Variants in FAM240B observed in about 807,000 individuals in gnomAD.
FAM240B encodes protein FAM240B.
At chr9:38,715,787 A>ATT (rs1821297797) in intron 1 of FAM240B, among the ~76,000 whole-genome samples, 1 of 152,170 alleles carries the variant, frequency 6.6e-6, no homozygotes, top group Non-Finnish European at 1.5e-5. Flanking sequence ...TTAATAGAGA[A>ATT]AACTTCTGAG....
chr9:38,695,248 G>T (rs919188464), intron 2 of FAM240B, among the ~76,000 whole-genome samples: 7 of 152,256 alleles, frequency 4.6e-5, no homozygotes, highest in Admixed American at 1.3e-4. Flanking sequence ...GCTAGGCATG[G>T]CGGCTCACGC....
chr9:38,699,136 C>T (rs573883218), intron 2 of FAM240B, among the ~76,000 whole-genome samples: 17 of 152,254 alleles, frequency 1.1e-4, no homozygotes, highest in Non-Finnish European at 8.8e-5. Context: ...GTAATGTTTA[C>T]TATTTCTTGT....
intron 2 of FAM240B, among the ~76,000 whole-genome samples, chr9:38,698,503 G>C (rs1054323134): frequency 6.6e-6 from 1 of 152,184 alleles, no homozygotes; most frequent in African/African-American, 2.4e-5. Flanking sequence ...GTGCTACACA[G>C]CTTTCATATC....
At chr9:38,705,213 T>C (rs1050452027) in intron 1 of FAM240B, 1 of 152,204 alleles carries the variant, frequency 6.6e-6, no homozygotes, top group Non-Finnish European at 1.5e-5. Flanking sequence ...ACTTCACAGC[T>C]ACAAAGTCCC....
At chr9:38,694,997 G>C in intron 2 of FAM240B, 128 bp from the exon 3 acceptor site, 1 of 394,388 alleles carries the variant, frequency 2.5e-6, no homozygotes, top group Non-Finnish European at 4.5e-6. Context: ...TCCCCTCCCT[G>C]TGTCCATGTG....
At chr9:38,704,365 A>T (rs936248700) in intron 1 of FAM240B, among the ~76,000 whole-genome samples, 1 of 152,240 alleles carries the variant, frequency 6.6e-6, no homozygotes, top group African/African-American at 2.4e-5. Context: ...GTTCATGAAC[A>T]GAGAAATCCA....
chr9:38,696,052 T>C (rs1375549972), intron 2 of FAM240B, among the ~76,000 whole-genome samples: 1 of 152,168 alleles, frequency 6.6e-6, no homozygotes, highest in Non-Finnish European at 1.5e-5. Context: ...AATTCATATA[T>C]CTAATTCCTA....
intron 2 of FAM240B, among the ~76,000 whole-genome samples, chr9:38,700,383 A>C (rs527317183): frequency 1.3e-5 from 2 of 152,290 alleles, no homozygotes; most frequent in East Asian, 3.9e-4. Flanking sequence ...TTTAATGTCT[A>C]CCTGACACTG....
At position 38,707,614 on chromosome 9, in the gene FAM240B, AAAAAAAAAAAAC is replaced by A. The variant is rs1179566081; in HGVS notation, c.-3-3624_-3-3613del. Among the ~76,000 whole-genome samples the A allele has an allele frequency of 1.8e-4, 19 of 108,058 alleles. 1 individual carries two copies. The highest frequency in any genetic ancestry group is 6.0e-4 in the African/African-American group (13 of 21,706). The allele number at this position is 108,058 out of a possible 152,430, so 70.9% of individuals were successfully genotyped here. On this transcript the variant is annotated intron_variant, in intron 1 of 2. Coordinates refer to ENST00000637493, the MANE Select transcript of FAM240B (RefSeq NM_001394922.1). Reference sequence around the variant, plus strand: ...AAACCCCGTCTCTACTAAAAAAAACAAAAAAAAAAAACAAAAAAAAAACCAAAAAATTAGCTG... The same window carrying A: ...AAACCCCGTCTCTACTAAAAAAAACAAAAAAAAAAACCAAAAAATTAGCTG...
intron 1 of FAM240B, among the ~76,000 whole-genome samples, chr9:38,711,107 C>T (rs1821250732): frequency 6.6e-6 from 1 of 152,196 alleles, no homozygotes; most frequent in South Asian, 2.1e-4. Context: ...ACTAGATTAA[C>T]TTTCTCCCAA....
chr9:38,708,237 T>C (rs1165058517), intron 1 of FAM240B, among the ~76,000 whole-genome samples: 1 of 152,208 alleles, frequency 6.6e-6, no homozygotes, highest in Non-Finnish European at 1.5e-5. Context: ...CTCCTCCCTG[T>C]GCTCTCGCTG....
intron 1 of FAM240B, among the ~76,000 whole-genome samples, chr9:38,716,207 C>G (rs1587595051): frequency 2.0e-5 from 3 of 152,132 alleles, no homozygotes; most frequent in Admixed American, 6.5e-5. Flanking sequence ...TGCGGTGGCT[C>G]AAGCCAGTAA....
intron 2 of FAM240B, among the ~76,000 whole-genome samples, chr9:38,695,536 C>A (rs1470923734): frequency 6.6e-6 from 1 of 152,138 alleles, no homozygotes; most frequent in South Asian, 2.1e-4. Flanking sequence ...AAAACAACAA[C>A]AACAAACCAA....
At chr9:38,716,351 A>C (rs1821302717) in intron 1 of FAM240B, among the ~76,000 whole-genome samples, 1 of 152,230 alleles carries the variant, frequency 6.6e-6, no homozygotes, top group Admixed American at 6.5e-5. Flanking sequence ...CCATGCCTGT[A>C]ATCCCAGCTA....
At chr9:38,702,479 C>T (rs895094782) in intron 2 of FAM240B, among the ~76,000 whole-genome samples, 39 of 152,204 alleles carry the variant, frequency 2.6e-4, no homozygotes, top group African/African-American at 9.2e-4. Context: ...TGTGAGCAGA[C>T]GTCCCAGCAA....
chr9:38,718,147 T>C (rs577151639), intron 1 of FAM240B, among the ~76,000 whole-genome samples: 1 of 152,384 alleles, frequency 6.6e-6, no homozygotes, highest in South Asian at 2.1e-4. Context: ...TAGTAATCTG[T>C]TTATGGATAT....
At chr9:38,704,507 A>G (rs1015879230) in intron 1 of FAM240B, among the ~76,000 whole-genome samples, 1 of 152,224 alleles carries the variant, frequency 6.6e-6, no homozygotes, top group African/African-American at 2.4e-5. Context: ...TAAGTTAAAT[A>G]AAATATTTGA....
At chr9:38,695,447 C>A (rs901715517) in intron 2 of FAM240B, among the ~76,000 whole-genome samples, 1 of 152,270 alleles carries the variant, frequency 6.6e-6, no homozygotes, top group African/African-American at 2.4e-5. Flanking sequence ...ATGGCGTGAA[C>A]CTGGGAGGTG....
At chr9:38,706,705 C>T (rs763757745) in intron 1 of FAM240B, among the ~76,000 whole-genome samples, 10 of 152,218 alleles carry the variant, frequency 6.6e-5, no homozygotes, top group Non-Finnish European at 1.0e-4. Flanking sequence ...TCTGGAATTT[C>T]TCTCTGCACC....
Sources: gnomAD v4.1 joint callset for allele counts (sites outside exome capture counted in the v4.1 genomes callset) on GRCh38, gnomAD v4.1.1 for gene constraint, MANE v1.5 for transcripts, NCBI Gene and HGNC (gene_info 2026-07-23, HGNC 2026-07-21) for gene names.